Variants in STAM observed in about 807,000 individuals in gnomAD.
STAM encodes signal transducing adapter molecule 1.
A neutral mutation model predicts 63.4 loss-of-function variants in STAM; 16 were observed. That is an observed-to-expected ratio of 0.25 (90% CI 0.17 to 0.38). The LOEUF (loss-of-function observed/expected upper bound fraction) is 0.38, where lower values mean the gene tolerates loss of function less well. STAM is among the 10% of genes least tolerant of loss of function. STAM has a pLI of 1.00. For missense variants in STAM, 636 were observed against 657.1 expected, an observed-to-expected ratio of 0.97 and a Z score of 0.35; for synonymous variants, 238 against 223.9, an observed-to-expected ratio of 1.06 and a Z score of -0.56.
At chr10:17,687,504 AAAAAAG>A (rs1261657040) in intron 4 of STAM, among the ~76,000 whole-genome samples, 3 of 151,812 alleles carry the variant, frequency 2.0e-5, no homozygotes, top group East Asian at 1.9e-4. Flanking sequence ...ACAAACCAAA[AAAAAAG>A]AAAAGAAAAG....
At chr10:17,653,390 A>G (rs1554821746) in intron 1 of STAM, among the ~76,000 whole-genome samples, 2 of 152,158 alleles carry the variant, frequency 1.3e-5, no homozygotes, top group Admixed American at 1.3e-4. Flanking sequence ...TTTTGATAAA[A>G]CAGGATAAAA....
At chr10:17,647,270 G>A (rs781888849) in intron 1 of STAM, among the ~76,000 whole-genome samples, 2 of 152,180 alleles carry the variant, frequency 1.3e-5, no homozygotes, top group Non-Finnish European at 2.9e-5. Context: ...GTATTTCAAA[G>A]TCTCTAGTGA....
chr10:17,646,395 C>A (rs142641038), intron 1 of STAM, among the ~76,000 whole-genome samples: 1 of 152,178 alleles, frequency 6.6e-6, no homozygotes, highest in Non-Finnish European at 1.5e-5. Context: ...AGTTGAGAAC[C>A]GCTGCACTAG....
intron 2 of STAM, 61 bp from the exon 3 acceptor site, chr10:17,684,610 CAGTT>C: frequency 7.6e-7 from 1 of 1,310,582 alleles, no homozygotes. Flanking sequence ...TTGTCTATAA[CAGTT>C]AAGGGGCAGG....
intron 9 of STAM, among the ~76,000 whole-genome samples, chr10:17,702,580 G>A (rs1836045347): frequency 6.6e-6 from 1 of 152,120 alleles, no homozygotes; most frequent in Admixed American, 6.5e-5. Context: ...TATGTGAAGG[G>A]GTTTATGGGC....
intron 1 of STAM, among the ~76,000 whole-genome samples, chr10:17,644,615 G>T (rs1208167356): frequency 1.3e-5 from 2 of 152,194 alleles, no homozygotes; most frequent in African/African-American, 4.8e-5. Flanking sequence ...GGTTGCCAAA[G>T]AACTGCTGAA....
chr10:17,713,754 C>T, intron 13 of STAM, among the ~76,000 whole-genome samples: 1 of 152,070 alleles, frequency 6.6e-6, no homozygotes, highest in East Asian at 1.9e-4. Context: ...ATCGTAATAA[C>T]CTGCAGTCAG....
At chr10:17,649,823 G>C (rs781925227) in intron 1 of STAM, among the ~76,000 whole-genome samples, 5 of 152,090 alleles carry the variant, frequency 3.3e-5, no homozygotes, top group African/African-American at 4.8e-5. Flanking sequence ...ATATTGGCCA[G>C]GCTGGTCTTG....
chr10:17,653,075 G>T (rs1833800066), intron 1 of STAM, among the ~76,000 whole-genome samples: 1 of 152,108 alleles, frequency 6.6e-6, no homozygotes, highest in South Asian at 2.1e-4. Flanking sequence ...TGGTCTGGGG[G>T]CTGGCCACTC....
At chr10:17,662,453 C>T (rs577496648) in intron 2 of STAM, among the ~76,000 whole-genome samples, 1 of 152,202 alleles carries the variant, frequency 6.6e-6, no homozygotes, top group Non-Finnish European at 1.5e-5. Context: ...CCTCAAAGCA[C>T]TCTATCAAAA....
At position 17,715,001 on chromosome 10, in the gene STAM, T is replaced by A. The variant is rs183996168; in HGVS notation, c.*221T>A. 10 of 537,890 alleles carry A rather than the reference T, an allele frequency of 1.9e-5. No individual in the cohort carries two copies. Among genetic ancestry groups the A allele is most frequent in the South Asian group, 1.3e-4 (6 of 46,366 alleles). 33.3% of individuals were successfully genotyped at this position (537,890 alleles called of 1,614,324 possible). ...AGAGGAATGAAACTACTTACAACAT[T>A]TAATTCCTTTCATAATATGAAAGAA... On this transcript the variant is annotated 3_prime_UTR_variant, in exon 14 of 14. Coordinates refer to ENST00000377524, the MANE Select transcript of STAM (RefSeq NM_003473.4).
chr10:17,657,334 C>T (rs2131576473), intron 1 of STAM, among the ~76,000 whole-genome samples: 1 of 152,162 alleles, frequency 6.6e-6, no homozygotes, highest in South Asian at 2.1e-4. Flanking sequence ...GTGGGAGAAC[C>T]CTCTCCTGCC....
intron 1 of STAM, among the ~76,000 whole-genome samples, chr10:17,655,975 T>A (rs578054811): frequency 6.6e-6 from 1 of 152,220 alleles, no homozygotes. Flanking sequence ...GTTGCTTTTT[T>A]CTTTTTCTTT....
chr10:17,669,412 A>G, intron 2 of STAM, among the ~76,000 whole-genome samples: 1 of 146,086 alleles, frequency 6.8e-6, no homozygotes, highest in East Asian at 2.0e-4. Context: ...TCCTACTCTC[A>G]TTAAATAAAC....
rs1554830811 is a variant in STAM at position 17,715,646 on chromosome 10, T to A, written c.*866T>A. On this transcript the variant is annotated 3_prime_UTR_variant, in exon 14 of 14. Transcript: ENST00000377524. ...ATGATGTTGGTTTACCTTTTCCTAGTTGAAGATAGTAATTAGGTTTCTAAG... is the reference window on the plus strand; with the variant it reads ...ATGATGTTGGTTTACCTTTTCCTAGATGAAGATAGTAATTAGGTTTCTAAG... The A allele has an allele frequency of 6.6e-6, 1 of 152,640 alleles. No individual in the cohort carries two copies. Among genetic ancestry groups the A allele is most frequent in the African/African-American group, 2.4e-5 (1 of 41,460 alleles). 9.5% of individuals were successfully genotyped at this position (152,640 alleles called of 1,614,324 possible). A position where few individuals can be genotyped will look rare whatever the true frequency, so the allele number is the denominator to read the frequency against.
intron 4 of STAM, among the ~76,000 whole-genome samples, chr10:17,686,370 C>T (rs1485268124): frequency 1.3e-5 from 2 of 149,654 alleles, no homozygotes; most frequent in Non-Finnish European, 3.0e-5. Context: ...TACTTAATAA[C>T]ATCCCGCCTT....
At chr10:17,654,114 G>A (rs1346293121) in intron 1 of STAM, among the ~76,000 whole-genome samples, 15 of 152,168 alleles carry the variant, frequency 9.9e-5, no homozygotes, top group Admixed American at 9.8e-4. Context: ...TGGGTAGTTA[G>A]CATCAGAAGT....
chr10:17,660,564 T>G lies in STAM; in HGVS notation c.125+16T>G, dbSNP rs1554822752. 6.4e-7 allele frequency: 1 copy of G among 1,562,340 alleles called. No homozygotes were observed. Among genetic ancestry groups the G allele is most frequent in the South Asian group, 1.2e-5 (1 of 84,292 alleles). ...CTCGCACTGGGTAAGTATTTAGCGT[T>G]TCAAAGGATTTTTATTCTTTCTTTT... On this transcript the variant is annotated intron_variant, in intron 2 of 13. Coordinates refer to ENST00000377524, the MANE Select transcript of STAM (RefSeq NM_003473.4).
At position 17,680,163 on chromosome 10, in the gene STAM, C is replaced by A. The variant is rs73603876; in HGVS notation, c.126-4512C>A. On this transcript the variant is annotated intron_variant, in intron 2 of 13. Transcript: ENST00000377524. Reference sequence around the variant, plus strand: ...TTTTCCTCGTTTCTTAAGGTATAATCTTAGGTTATTGATTTGAGATCTTTT... The same window carrying A: ...TTTTCCTCGTTTCTTAAGGTATAATATTAGGTTATTGATTTGAGATCTTTT... Among the ~76,000 whole-genome samples the A allele has an allele frequency of 7.8e-3, 1,189 of 152,130 alleles. 17 individuals carry two copies. The highest frequency in any genetic ancestry group is 0.028 in the African/African-American group (1,142 of 41,494).
Sources: allele counts gnomAD v4.1 joint callset (sites outside exome capture counted in the v4.1 genomes callset), GRCh38; gene constraint gnomAD v4.1.1; transcripts MANE v1.5; gene names NCBI Gene and HGNC (gene_info 2026-07-23, HGNC 2026-07-21).